MAD1L1: variants seen among roughly 807,000 people sequenced by gnomAD.
MAD1L1 encodes the protein mitotic spindle assembly checkpoint protein MAD1.
In MAD1L1, 95 loss-of-function variants were observed where a neutral mutation model predicts 96.9. The ratio of observed to expected loss-of-function variants is 0.98; its 90% CI spans 0.83 to 1.16. The LOEUF (loss-of-function observed/expected upper bound fraction) is 1.16, where lower values mean the gene tolerates loss of function less well. Ranked by LOEUF, MAD1L1 falls within the 50% of genes most tolerant of loss-of-function variation. The pLI, the probability that MAD1L1 is intolerant of heterozygous loss-of-function variation, is 0.00. For missense variants in MAD1L1, 1,007 were observed against 954.4 expected, an observed-to-expected ratio of 1.06 and a Z score of -0.73; for synonymous variants, 473 against 396.6, an observed-to-expected ratio of 1.19 and a Z score of -2.29.
At chr7:1,893,382 G>A (rs952353988) in intron 18 of MAD1L1, among the ~76,000 whole-genome samples, 8 of 152,212 alleles carry the variant, frequency 5.3e-5, no homozygotes, top group Non-Finnish European at 1.0e-4. Context: ...ACTGGAAACG[G>A]CTTCGGCTAT....
intron 18 of MAD1L1, among the ~76,000 whole-genome samples, chr7:1,828,356 C>T (rs542079259): frequency 7.2e-4 from 109 of 152,118 alleles, no homozygotes; most frequent in Non-Finnish European, 9.0e-4. Context: ...GGAGCCAGGG[C>T]GCCGAAAAGA....
intron 18 of MAD1L1, among the ~76,000 whole-genome samples, chr7:1,823,583 G>C (rs1233860822): frequency 6.6e-6 from 1 of 152,168 alleles, no homozygotes; most frequent in Non-Finnish European, 1.5e-5. Context: ...TCCTGCCTGT[G>C]CCCTGGCCCC....
At chr7:1,945,012 C>G (rs771096971) in intron 16 of MAD1L1, among the ~76,000 whole-genome samples, 3 of 152,196 alleles carry the variant, frequency 2.0e-5, no homozygotes, top group Non-Finnish European at 4.4e-5. Context: ...TACGGGCAGC[C>G]CCTCACCTGG....
At chr7:1,848,028 C>T (rs374687120) in intron 18 of MAD1L1, 4 of 336,506 alleles carry the variant, frequency 1.2e-5, no homozygotes, top group East Asian at 7.8e-5. Flanking sequence ...GACAGAGAAG[C>T]GGCTGGGAGT....
intron 2 of MAD1L1, 162 bp downstream of exon 2, chr7:2,230,387 G>C: frequency 2.3e-6 from 1 of 437,450 alleles, no homozygotes; most frequent in South Asian, 2.4e-5. Flanking sequence ...TTGAGTCTCA[G>C]TTGCACATGG....
At chr7:1,876,072 C>G (rs945191036) in intron 18 of MAD1L1, among the ~76,000 whole-genome samples, 29 of 152,222 alleles carry the variant, frequency 1.9e-4, no homozygotes, top group Admixed American at 3.3e-4. Flanking sequence ...CTCAGCCCCC[C>G]GCCGTGGGGC....
chr7:2,111,736 A>C (rs942699163), intron 11 of MAD1L1, among the ~76,000 whole-genome samples: 1 of 152,208 alleles, frequency 6.6e-6, no homozygotes, highest in African/African-American at 2.4e-5. Flanking sequence ...GGGGCAGCTA[A>C]GCCCAAAACC....
chr7:1,823,809 G>A (rs1353467818), intron 18 of MAD1L1, among the ~76,000 whole-genome samples: 4 of 152,272 alleles, frequency 2.6e-5, no homozygotes, highest in East Asian at 3.9e-4. Context: ...CTGCTGGGCC[G>A]GGGGAGGCAT....
At chr7:1,927,174 AC>A (rs1384748158) in intron 17 of MAD1L1, among the ~76,000 whole-genome samples, 28 of 152,184 alleles carry the variant, frequency 1.8e-4, no homozygotes, top group African/African-American at 6.8e-4. Flanking sequence ...TGTATTTCTA[AC>A]AAAAAAGGGG....
chr7:2,222,106 C>T lies in MAD1L1; in HGVS notation c.471+469G>A, dbSNP rs1051869768. Among the ~76,000 whole-genome samples the T allele has an allele frequency of 3.4e-5, 5 of 148,008 alleles. No homozygotes were observed. In the South Asian group the frequency reaches 8.4e-4, roughly 25 times the overall value. On this transcript the variant is annotated intron_variant, in intron 5 of 18. Coordinates refer to ENST00000265854, the MANE Select transcript of MAD1L1 (RefSeq NM_001013836.2). ...TTTTTTTTTTTGAGACAGAGTCTTG[C>T]TGTGTTGCCCAGGCTGGAGTGCAAT... is the stretch of plus-strand genomic sequence containing the variant.
chr7:1,859,518 C>T (rs559632567), intron 18 of MAD1L1, among the ~76,000 whole-genome samples: 1 of 152,336 alleles, frequency 6.6e-6, no homozygotes, highest in Admixed American at 6.5e-5. Context: ...GGAAGCCCCA[C>T]AAGTGGGATC....
intron 13 of MAD1L1, among the ~76,000 whole-genome samples, chr7:2,009,760 C>T (rs1392545623): frequency 6.6e-6 from 1 of 152,216 alleles, no homozygotes; most frequent in Non-Finnish European, 1.5e-5. Context: ...AGGGTGGCAG[C>T]AGGTCCTCCC....
chr7:1,929,829 CGT>C (rs1408917248), intron 17 of MAD1L1, among the ~76,000 whole-genome samples: 821 of 11,434 alleles, frequency 0.072, 252 homozygotes, highest in East Asian at 0.18. Context: ...TCCCCTGCCC[CGT>C]CCCCACTGCC....
chr7:2,194,752 A>G (rs56120722), intron 10 of MAD1L1, among the ~76,000 whole-genome samples: 4,283 of 152,292 alleles, frequency 0.028, 106 homozygotes, highest in South Asian at 0.075. Context: ...CTAAATGATG[A>G]AACAAGAGAA....
intron 11 of MAD1L1, among the ~76,000 whole-genome samples, chr7:2,113,801 C>T (rs1020113770): frequency 1.3e-5 from 2 of 152,212 alleles, no homozygotes; most frequent in African/African-American, 4.8e-5. Context: ...TCCAAAAATG[C>T]ATAGCTTCAA....
At chr7:1,893,640 T>C (rs1786690664) in intron 18 of MAD1L1, among the ~76,000 whole-genome samples, 2 of 152,104 alleles carry the variant, frequency 1.3e-5, no homozygotes, top group East Asian at 1.9e-4. Context: ...AAGACCCTCC[T>C]GGGCACACCT....
chr7:1,890,920 A>G (rs761591385), intron 18 of MAD1L1, among the ~76,000 whole-genome samples: 10 of 152,164 alleles, frequency 6.6e-5, no homozygotes, highest in Non-Finnish European at 1.3e-4. Flanking sequence ...TCCACAGTCC[A>G]TGCAACAGTG....
chr7:1,901,239 A>G (rs989292385), intron 17 of MAD1L1, among the ~76,000 whole-genome samples: 1 of 152,214 alleles, frequency 6.6e-6, no homozygotes, highest in African/African-American at 2.4e-5. Flanking sequence ...ACGTGAATGA[A>G]TAATTCACAC....
At chr7:2,210,428 G>A (rs550844603) in intron 10 of MAD1L1, among the ~76,000 whole-genome samples, 10 of 139,812 alleles carry the variant, frequency 7.2e-5, no homozygotes, top group South Asian at 2.3e-4. Flanking sequence ...ATTCGGGACC[G>A]CCAGCCCGCA....
Sources: gnomAD v4.1 joint callset for allele counts (sites outside exome capture counted in the v4.1 genomes callset) on GRCh38, gnomAD v4.1.1 for gene constraint, MANE v1.5 for transcripts, NCBI Gene and HGNC (gene_info 2026-07-23, HGNC 2026-07-21) for gene names.